MLPH: variants seen among roughly 807,000 people sequenced by gnomAD.
MLPH encodes melanophilin, also known as exophilin-3.
MLPH carries 51 observed loss-of-function variants against 72.1 expected under a neutral mutation model. The ratio of observed to expected loss-of-function variants is 0.71; its 90% CI spans 0.56 to 0.89. The LOEUF (loss-of-function observed/expected upper bound fraction) is 0.89. Among genes scored for constraint, MLPH ranks in the 40% least tolerant of loss-of-function variants. MLPH has a pLI of 0.00. For synonymous variants in MLPH, 301 were observed against 310.1 expected, an observed-to-expected ratio of 0.97 and a Z score of 0.31; for missense variants, 743 against 759.9, an observed-to-expected ratio of 0.98 and a Z score of 0.26.
At chr2:237,495,849 A>G (rs958454559) in intron 2 of MLPH, among the ~76,000 whole-genome samples, 12 of 152,290 alleles carry the variant, frequency 7.9e-5, no homozygotes, top group African/African-American at 2.6e-4. Context: ...GCGGACCAGC[A>G]TGCAGCTGAC....
At chr2:237,509,618 A>T (rs954477076) in intron 2 of MLPH, among the ~76,000 whole-genome samples, 2 of 152,126 alleles carry the variant, frequency 1.3e-5, no homozygotes, top group African/African-American at 2.4e-5. Context: ...GATTCCTACA[A>T]CTGCTTGACC....
intron 4 of MLPH, among the ~76,000 whole-genome samples, chr2:237,515,374 G>A (rs1468420141): frequency 6.6e-6 from 1 of 152,164 alleles, no homozygotes; most frequent in African/African-American, 2.4e-5. Flanking sequence ...AGGCCCTGCT[G>A]TCCCCACTTG....
chr2:237,488,526 C>A (rs769159824), intron 1 of MLPH, among the ~76,000 whole-genome samples: 16 of 152,222 alleles, frequency 1.1e-4, no homozygotes, highest in Non-Finnish European at 1.8e-4. Context: ...GCCCAGCCCC[C>A]TCCCTGCCCA....
chr2:237,511,087 G>A lies in MLPH; in HGVS notation c.431G>A (p.Arg144Gln), dbSNP rs201622639. ...SAKVIRSLHG[R>Q]LQGGAGPELI... Reference sequence around the variant, plus strand: ...AAGGTCATCCGGTCCCTCCACGGGCGGCTGCAGGGTGGAGGTAAGGAGTGG... The same window carrying A: ...AAGGTCATCCGGTCCCTCCACGGGCAGCTGCAGGGTGGAGGTAAGGAGTGG... The change falls in exon 4 of 16, where the codon CGG (arginine) becomes CAG (glutamine). Residue 144 changes from arginine to glutamine, a missense_variant. By Grantham distance (43) the Arg-to-Gln change is conservative. Transcript: ENST00000264605. The A allele has an allele frequency of 8.7e-6, 14 of 1,613,598 alleles. No homozygotes were observed. In the East Asian group the frequency reaches 1.6e-4, roughly 18 times the overall value.
In MLPH at chr2:237,505,779, G is replaced by A. The variant is rs541910628; in HGVS notation, c.111-4795G>A. Reference sequence around the variant, plus strand: ...ATACGCCCTTTCTTCAGAGGCTGCCGGGCCTCCCTTGAGGACAGGAGTGCC... The same window carrying A: ...ATACGCCCTTTCTTCAGAGGCTGCCAGGCCTCCCTTGAGGACAGGAGTGCC... On this transcript the variant is annotated intron_variant, in intron 2 of 15. Transcript: ENST00000264605. This position sits in a 1 kb window ranked among gnomAD's most constrained non-coding sequence, Gnocchi z 4.5. Among the ~76,000 whole-genome samples the A allele has an allele frequency of 1.7e-4, 26 of 152,154 alleles. 1 individual carries two copies. The highest frequency in any genetic ancestry group is 3.7e-4 in the Non-Finnish European group (25 of 68,024).
intron 2 of MLPH, among the ~76,000 whole-genome samples, chr2:237,494,585 CA>C (rs2079497668): frequency 6.6e-6 from 1 of 152,054 alleles, no homozygotes; most frequent in Non-Finnish European, 1.5e-5. Context: ...CAAGCTTGAC[CA>C]GAGATCAGAT....
At chr2:237,515,163 G>A (rs888796848) in intron 4 of MLPH, among the ~76,000 whole-genome samples, 8 of 152,226 alleles carry the variant, frequency 5.3e-5, no homozygotes, top group East Asian at 1.9e-4. Context: ...AGGCCCAGTC[G>A]ATGGTAGAAT....
chr2:237,553,716 A>C lies in MLPH; in HGVS notation c.*124A>C, dbSNP rs780010307. The C allele has an allele frequency of 7.4e-7, 1 of 1,355,168 alleles. No individual in the cohort carries two copies. Among genetic ancestry groups the C allele is most frequent in the East Asian group, 2.3e-5 (1 of 43,666 alleles). The allele number at this position is 1,355,168 out of a possible 1,614,324, so 83.9% of individuals were successfully genotyped here. A position where few individuals can be genotyped will look rare whatever the true frequency, so the allele number is the denominator to read the frequency against. ...ACCGTCCCAATGAGAAACAAGAAGG[A>C]GCACCCTCCACATGGACTCCCACCT... On this transcript the variant is annotated 3_prime_UTR_variant, in exon 16 of 16. Transcript: ENST00000264605.
intron 2 of MLPH, among the ~76,000 whole-genome samples, chr2:237,506,692 G>T (rs1281007684): frequency 6.6e-6 from 1 of 152,196 alleles, no homozygotes; most frequent in Non-Finnish European, 1.5e-5. Context: ...GTCAGGGGTC[G>T]ATCTTTAACT....
Position 237,541,090 on chromosome 2 carries a change from G to A in MLPH, c.1446+133G>A, listed in dbSNP as rs2080671560. 1 of 1,230,012 alleles carries A rather than the reference G, an allele frequency of 8.1e-7. No homozygotes were observed. The highest frequency in any genetic ancestry group is 2.0e-5 in the Admixed American group (1 of 50,460). 76.2% of individuals were successfully genotyped at this position (1,230,012 alleles called of 1,614,324 possible). On this transcript the variant is annotated intron_variant, in intron 11 of 15. Coordinates refer to ENST00000264605, the MANE Select transcript of MLPH (RefSeq NM_024101.7). This position sits in a 1 kb window ranked among gnomAD's most constrained non-coding sequence, Gnocchi z 5.1. Reference sequence around the variant, plus strand: ...CCTCCCCATTGGCCCAGCATGCACGGCTCTGAAGGCCAGGCATGAACCTGG... The same window carrying A: ...CCTCCCCATTGGCCCAGCATGCACGACTCTGAAGGCCAGGCATGAACCTGG...
intron 6 of MLPH, among the ~76,000 whole-genome samples, chr2:237,521,752 A>G (rs1488542359): frequency 1.3e-5 from 2 of 151,366 alleles, no homozygotes; most frequent in East Asian, 3.9e-4. Context: ...GGAGTGGAGC[A>G]GGGCTGGGAC....
intron 2 of MLPH, among the ~76,000 whole-genome samples, chr2:237,501,664 T>TAAAAAAAA (rs58268748): frequency 3.1e-5 from 2 of 63,554 alleles, no homozygotes; most frequent in Admixed American, 1.6e-4. Flanking sequence ...ACGTCTCTAC[T>TAAAAAAAA]AAAAAAAAAA....
At chr2:237,493,056 C>T (rs1304238784) in intron 1 of MLPH, among the ~76,000 whole-genome samples, 2 of 152,198 alleles carry the variant, frequency 1.3e-5, no homozygotes, top group Non-Finnish European at 2.9e-5. Flanking sequence ...CAGGGTTTTC[C>T]ATTGCAAAGC....
intron 4 of MLPH, among the ~76,000 whole-genome samples, chr2:237,517,610 TG>T (rs2080070522): frequency 6.7e-6 from 1 of 149,512 alleles, no homozygotes; most frequent in African/African-American, 2.5e-5. Flanking sequence ...GGATGAGTGG[TG>T]GGTGGATGGA....
At chr2:237,515,864 C>T (rs1375401094) in intron 4 of MLPH, among the ~76,000 whole-genome samples, 1 of 152,154 alleles carries the variant, frequency 6.6e-6, no homozygotes, top group Non-Finnish European at 1.5e-5. Context: ...GGGGAACATT[C>T]CTTCTCCTTC....
chr2:237,525,736 G>T lies in MLPH; in HGVS notation c.811G>T (p.Gly271Cys). 6.2e-7 allele frequency: 1 copy of T among 1,613,996 alleles called. No homozygotes were observed. The highest frequency in any genetic ancestry group is 8.5e-7 in the Non-Finnish European group (1 of 1,180,034). Residue 271 changes from glycine (G) to cysteine (C), a missense_variant, in exon 7 of 16, where the codon GGC (glycine) becomes TGC (cysteine). Coordinates refer to ENST00000264605, the MANE Select transcript of MLPH (RefSeq NM_024101.7). ...GACCAGCATCTCACCTTCCAGACACGGCGCCCTGGCTGAGCTCTGCCCGCC... is the reference window on the plus strand; with the variant it reads ...GACCAGCATCTCACCTTCCAGACACTGCGCCCTGGCTGAGCTCTGCCCGCC... ...QPTSISPSRH[G>C]ALAELCPPGG...
At chr2:237,513,406 G>T (rs1162760780) in intron 4 of MLPH, among the ~76,000 whole-genome samples, 1 of 152,184 alleles carries the variant, frequency 6.6e-6, no homozygotes, top group Admixed American at 6.5e-5. Flanking sequence ...TCTTTCCCTC[G>T]GTGGTAGCTT....
At position 237,540,527 on chromosome 2, in the gene MLPH, C is replaced by T; in HGVS notation, c.1284C>T (p.Asp428=). Residue 428 remains aspartate, a synonymous_variant, in exon 10 of 16, where the codon GAC becomes GAT. Transcript: ENST00000264605. ...CAGTTGGGCCTCTCCCCCAGGCGGACCCGGAGGTAAGACTATCCCCCAGAG... is the reference window on the plus strand; with the variant it reads ...CAGTTGGGCCTCTCCCCCAGGCGGATCCGGAGGTAAGACTATCCCCCAGAG... ...DKSVGPLPQA[D]PEVGTAAHQT... is the part of the protein sequence containing the mutation. 1 of 1,610,674 alleles carries T rather than the reference C, an allele frequency of 6.2e-7. No homozygotes were observed. Among genetic ancestry groups the T allele is most frequent in the Non-Finnish European group, 8.5e-7 (1 of 1,179,536 alleles).
intron 6 of MLPH, among the ~76,000 whole-genome samples, chr2:237,525,148 G>C (rs1444115666): frequency 6.6e-6 from 1 of 152,154 alleles, no homozygotes; most frequent in Non-Finnish European, 1.5e-5. Flanking sequence ...TTACAGCCAA[G>C]GAGCTGCCAG....
Sources: gnomAD v4.1 joint callset for allele counts (sites outside exome capture counted in the v4.1 genomes callset) on GRCh38, gnomAD v4.1.1 for gene constraint, Gnocchi (gnomAD v3.1) non-coding constraint, MANE v1.5 for transcripts, NCBI Gene and HGNC (gene_info 2026-07-23, HGNC 2026-07-21) for gene names.